WDFY2: variants seen among roughly 807,000 people sequenced by gnomAD.
WDFY2 encodes WD repeat and FYVE domain containing 2, also known as WD repeat and FYVE domain-containing protein 2.
Under a neutral mutation model 56.4 loss-of-function variants are expected in WDFY2, and 36 were observed. The observed-to-expected ratio is 0.64, with a 90% CI of 0.49 to 0.84. The LOEUF is 0.84. Among genes scored for constraint, WDFY2 ranks in the 40% least tolerant of loss-of-function variants. The probability of loss-of-function intolerance (pLI) is 0.00; values close to 1 mark genes in which losing one functional copy is unlikely to be tolerated. For missense variants in WDFY2, 444 were observed against 512.2 expected (o/e 0.87, Z 1.29); for synonymous variants, 176 against 183.7 (o/e 0.96, Z 0.34).
chr13:51,735,775 C>A (rs753857854), intron 6 of WDFY2, among the ~76,000 whole-genome samples: 1 of 152,126 alleles, frequency 6.6e-6, no homozygotes, highest in Non-Finnish European at 1.5e-5. Flanking sequence ...ATTGTTAGGA[C>A]ATTTATATAG....
chr13:51,757,764 G>C (rs1172347789), intron 10 of WDFY2, among the ~76,000 whole-genome samples: 1 of 151,726 alleles, frequency 6.6e-6, no homozygotes, highest in African/African-American at 2.4e-5. Context: ...AAAAATGAAT[G>C]GAGGGGGATA....
chr13:51,729,931 T>C (rs954507281), intron 6 of WDFY2, among the ~76,000 whole-genome samples: 1 of 152,176 alleles, frequency 6.6e-6, no homozygotes, highest in Admixed American at 6.5e-5. Context: ...CACAGAACCT[T>C]TTCCATCTTG....
chr13:51,628,713 C>A (rs1954889372), intron 1 of WDFY2, among the ~76,000 whole-genome samples: 1 of 152,236 alleles, frequency 6.6e-6, no homozygotes, highest in Non-Finnish European at 1.5e-5. Flanking sequence ...GCCCTTGATG[C>A]ATCACAGATG....
chr13:51,587,117 G>T (rs984745147), intron 1 of WDFY2: 2 of 152,170 alleles, frequency 1.3e-5, no homozygotes, highest in Admixed American at 6.5e-5. Context: ...GGTTAAAGCC[G>T]CAAGTAATGT....
chr13:51,663,127 CCT>C (rs373286695), intron 2 of WDFY2, among the ~76,000 whole-genome samples: 3 of 151,634 alleles, frequency 2.0e-5, no homozygotes, highest in African/African-American at 2.4e-5. Flanking sequence ...CAAGATGCCA[CCT>C]CTCTCTCTCT....
chr13:51,704,732 A>G (rs886325039), intron 4 of WDFY2, among the ~76,000 whole-genome samples: 3 of 149,452 alleles, frequency 2.0e-5, no homozygotes, highest in Non-Finnish European at 2.9e-5. Context: ...TTTATTCTTT[A>G]AAACAGTTTT....
intron 1 of WDFY2, among the ~76,000 whole-genome samples, chr13:51,654,309 T>C (rs531830746): frequency 3.3e-5 from 5 of 152,198 alleles, no homozygotes; most frequent in Non-Finnish European, 7.3e-5. Context: ...TTTCACCCCT[T>C]TCCTTGGCTA....
intron 6 of WDFY2, among the ~76,000 whole-genome samples, chr13:51,738,844 G>T (rs760671147): frequency 2.0e-5 from 3 of 152,158 alleles, no homozygotes; most frequent in Non-Finnish European, 4.4e-5. Flanking sequence ...TATGGTACAT[G>T]AAATGTTGGT....
At chr13:51,710,474 A>T (rs1022755119) in intron 4 of WDFY2, among the ~76,000 whole-genome samples, 2 of 152,150 alleles carry the variant, frequency 1.3e-5, no homozygotes, top group Non-Finnish European at 2.9e-5. Flanking sequence ...AGAGTATTCA[A>T]TTAGGAAAAG....
Position 51,758,209 on chromosome 13 carries a change from C to T in WDFY2, c.1082C>T (p.Thr361Ile). 5.7e-6 allele frequency: 9 copies of T among 1,580,284 alleles called. No homozygotes were observed. The highest frequency in any genetic ancestry group is 7.8e-6 in the Non-Finnish European group (9 of 1,154,910). Reference sequence around the variant, plus strand: ...CCTTCTAGACGTGCACCCACAGCCACCTTCCATGACAGTAAACATAACATT... The same window carrying T: ...CCTTCTAGACGTGCACCCACAGCCATCTTCCATGACAGTAAACATAACATT... ...ITDEERAPTA[T>I]FHDSKHNIVH... The change falls in exon 11 of 12, where the codon ACC becomes ATC. Residue 361 changes from threonine to isoleucine, a missense_variant. Physicochemically the swap from Thr to Ile is moderately conservative, Grantham distance 89 (BLOSUM62 -1). Coordinates refer to ENST00000298125, the MANE Select transcript of WDFY2 (RefSeq NM_052950.4).
intron 2 of WDFY2, among the ~76,000 whole-genome samples, chr13:51,666,963 C>T (rs970913288): frequency 2.0e-4 from 30 of 152,122 alleles, no homozygotes; most frequent in African/African-American, 7.2e-4. Context: ...TAGGTTAGAC[C>T]TTGTGCCTGG....
chr13:51,673,679 C>T (rs1185711153), intron 2 of WDFY2, among the ~76,000 whole-genome samples: 4 of 151,992 alleles, frequency 2.6e-5, no homozygotes, highest in Non-Finnish European at 5.9e-5. Context: ...TTATGAGACC[C>T]GGCATCTTAA....
intron 1 of WDFY2, among the ~76,000 whole-genome samples, chr13:51,614,051 TGGTG>T (rs1954555763): frequency 6.6e-6 from 1 of 151,290 alleles, no homozygotes. Context: ...CTGGGCCTGG[TGGTG>T]GGCGCCTGTA....
At chr13:51,755,959 T>A (rs1005421371) in intron 9 of WDFY2, among the ~76,000 whole-genome samples, 1 of 152,124 alleles carries the variant, frequency 6.6e-6, no homozygotes, top group Non-Finnish European at 1.5e-5. Context: ...TCAGGTTTCC[T>A]GCATGTTCTC....
intron 1 of WDFY2, chr13:51,587,631 G>A (rs1000844847): frequency 6.6e-6 from 1 of 152,198 alleles, no homozygotes; most frequent in Admixed American, 6.5e-5. Context: ...AGTACTTACT[G>A]TGTTCCAGTC....
intron 8 of WDFY2, 52 bp from the exon 9 acceptor site, chr13:51,755,306 C>T (rs1953342470): frequency 6.4e-7 from 1 of 1,562,502 alleles, no homozygotes; most frequent in Admixed American, 1.7e-5. Flanking sequence ...CAGTGGTTTC[C>T]ATTGTCCTGA....
At chr13:51,726,588 G>A (rs1345977499) in intron 5 of WDFY2, among the ~76,000 whole-genome samples, 2 of 152,202 alleles carry the variant, frequency 1.3e-5, no homozygotes, top group Admixed American at 6.5e-5. Flanking sequence ...CAGAAGGAAA[G>A]CAGGTATTCA....
At position 51,660,580 on chromosome 13, in the gene WDFY2, T is replaced by C. The variant is rs772010116; in HGVS notation, c.138-16T>C. On this transcript the variant is annotated splice_polypyrimidine_tract_variant and intron_variant, in intron 1 of 11. Coordinates refer to ENST00000298125, the MANE Select transcript of WDFY2 (RefSeq NM_052950.4). The stretch of plus-strand genomic sequence containing the variant: ...AGAATAATGTGATTTCATGTACATA[T>C]TTTCTTCTGTTGTAGGACAGTTCGT... 1.9e-6 allele frequency: 3 copies of C among 1,611,102 alleles called. No homozygotes were observed. Among genetic ancestry groups the C allele is most frequent in the Non-Finnish European group, 2.5e-6 (3 of 1,177,526 alleles).
intron 1 of WDFY2, among the ~76,000 whole-genome samples, chr13:51,608,557 C>T (rs928480368): frequency 3.3e-5 from 5 of 152,208 alleles, no homozygotes; most frequent in African/African-American, 1.2e-4. Flanking sequence ...TGGCGCATGC[C>T]TGTAATCCAG....
Sources: allele counts gnomAD v4.1 joint callset (sites outside exome capture counted in the v4.1 genomes callset), GRCh38; gene constraint gnomAD v4.1.1; transcripts MANE v1.5; gene names NCBI Gene and HGNC (gene_info 2026-07-23, HGNC 2026-07-21).